KCNH5: variants seen among roughly 807,000 people sequenced by gnomAD.
The protein encoded by KCNH5 is voltage-gated delayed rectifier potassium channel KCNH5.
In KCNH5, 46 loss-of-function variants were observed where a neutral mutation model predicts 96.1. The ratio of observed to expected loss-of-function variants is 0.48; its 90% CI spans 0.38 to 0.61. The LOEUF is 0.61. Ranked by LOEUF, KCNH5 falls within the 20% of genes least tolerant of loss-of-function variation. The pLI, the probability that KCNH5 is intolerant of heterozygous loss-of-function variation, is 0.00. For missense variants in KCNH5, 907 were observed against 1,225.8 expected (o/e 0.74, Z 3.88); for synonymous variants, 439 against 449.8 (o/e 0.98, Z 0.30).
intron 10 of KCNH5, among the ~76,000 whole-genome samples, chr14:62,742,408 G>C (rs1885289308): frequency 6.6e-6 from 1 of 152,118 alleles, no homozygotes; most frequent in African/African-American, 2.4e-5. Context: ...ATACCCCCAG[G>C]TGATTCTTGT....
chr14:62,909,029 C>T (rs1438476803), intron 7 of KCNH5, among the ~76,000 whole-genome samples: 2 of 115,514 alleles, frequency 1.7e-5, no homozygotes, highest in Non-Finnish European at 3.3e-5. Flanking sequence ...CACTATGCTA[C>T]GTATTTTTTT....
intron 7 of KCNH5, among the ~76,000 whole-genome samples, chr14:62,919,990 C>A (rs1462913432): frequency 6.6e-6 from 1 of 152,060 alleles, no homozygotes; most frequent in Non-Finnish European, 1.5e-5. Context: ...TTTGACAAAT[C>A]AATAAACTTC....
At position 62,947,241 on chromosome 14, in the gene KCNH5, A is replaced by T. The variant is rs138007102; in HGVS notation, c.1369+2892T>A. ...CTCAAGTATAAGGCAAAATGTATAA[A>T]TATTAAAAGTAGTATGGTGCTAAAT... On this transcript the variant is annotated intron_variant, in intron 7 of 10. Coordinates refer to ENST00000322893, the MANE Select transcript of KCNH5 (RefSeq NM_139318.5). 1.1e-3 allele frequency among the ~76,000 whole-genome samples: 173 copies of T among 152,330 alleles called. 5 individuals carry two copies. The highest frequency in any genetic ancestry group is 8.5e-3 in the Admixed American group (130 of 15,286).
intron 7 of KCNH5, among the ~76,000 whole-genome samples, chr14:62,859,311 T>A (rs563861306): frequency 2.0e-5 from 3 of 152,268 alleles, no homozygotes; most frequent in Admixed American, 1.3e-4. Flanking sequence ...CCTTGGTGAG[T>A]GGAAGTCCAT....
chr14:62,778,777 A>G (rs1886149697), intron 10 of KCNH5, among the ~76,000 whole-genome samples: 1 of 152,268 alleles, frequency 6.6e-6, no homozygotes. Context: ...TCAAGTATAG[A>G]TCAAATAAAT....
intron 10 of KCNH5, among the ~76,000 whole-genome samples, chr14:62,768,155 A>G (rs1034535699): frequency 1.3e-5 from 2 of 152,142 alleles, no homozygotes; most frequent in African/African-American, 4.8e-5. Flanking sequence ...AGACTTTACC[A>G]CTAAGCCATA....
intron 10 of KCNH5, among the ~76,000 whole-genome samples, chr14:62,773,022 A>C (rs1373380802): frequency 6.6e-6 from 1 of 152,226 alleles, no homozygotes; most frequent in Non-Finnish European, 1.5e-5. Context: ...TCTATGAATC[A>C]CATGCAAATT....
intron 9 of KCNH5, among the ~76,000 whole-genome samples, chr14:62,800,407 C>T (rs556810038): frequency 6.6e-6 from 1 of 152,132 alleles, no homozygotes; most frequent in Admixed American, 6.6e-5. Context: ...TTTTGTCTGT[C>T]TCACTGAGCA....
chr14:62,769,671 G>C (rs1251092431), intron 10 of KCNH5, among the ~76,000 whole-genome samples: 2 of 152,168 alleles, frequency 1.3e-5, no homozygotes, highest in Non-Finnish European at 1.5e-5. Context: ...CTATTACATA[G>C]GGCTTATTGC....
rs1027965732 is a variant in KCNH5 at position 62,706,712 on chromosome 14, G to C, written c.*796C>G. On this transcript the variant is annotated 3_prime_UTR_variant, in exon 11 of 11. Coordinates refer to ENST00000322893, the MANE Select transcript of KCNH5 (RefSeq NM_139318.5). The stretch of plus-strand genomic sequence containing the variant: ...TGTCAAAAGGCCCTTATACCCTGTG[G>C]TGCAGTGTTTCTATAATAACATACT... 6.6e-6 allele frequency: 1 copy of C among 151,996 alleles called. No homozygotes were observed. The highest frequency in any genetic ancestry group is 6.6e-5 in the Admixed American group (1 of 15,254). 9.4% of individuals were successfully genotyped at this position (151,996 alleles called of 1,614,324 possible).
chr14:63,039,318 T>C (rs1891780074), intron 1 of KCNH5, among the ~76,000 whole-genome samples: 1 of 152,084 alleles, frequency 6.6e-6, no homozygotes, highest in South Asian at 2.1e-4. Flanking sequence ...GAAAATATTA[T>C]TTAATAATTT....
intron 4 of KCNH5, among the ~76,000 whole-genome samples, chr14:62,998,629 T>C (rs1010231642): frequency 6.6e-6 from 1 of 152,190 alleles, no homozygotes; most frequent in East Asian, 1.9e-4. Flanking sequence ...TTTTGCTGCA[T>C]CTCACAAATT....
At chr14:62,814,782 C>CAAAAAGA (rs772584111) in intron 8 of KCNH5, among the ~76,000 whole-genome samples, 99 of 33,758 alleles carry the variant, frequency 2.9e-3, no homozygotes, top group African/African-American at 0.015. Context: ...GACTCCATCT[C>CAAAAAGA]AAAAAAAAAA....
At chr14:62,897,240 A>G (rs1888832217) in intron 7 of KCNH5, among the ~76,000 whole-genome samples, 1 of 152,198 alleles carries the variant, frequency 6.6e-6, no homozygotes, top group South Asian at 2.1e-4. Flanking sequence ...TCTGAGAAAC[A>G]AATAGCAATA....
rs552936409 is a variant in KCNH5 at position 63,015,798 on chromosome 14, A to G, written c.197+1033T>C. ...TATCCCCTTGAATATCATATTTTTG[A>G]TCTGTATTTCTCTAATACTATATTT... On this transcript the variant is annotated intron_variant, in intron 2 of 10. Coordinates refer to ENST00000322893, the MANE Select transcript of KCNH5 (RefSeq NM_139318.5). Among the ~76,000 whole-genome samples the G allele has an allele frequency of 1.5e-4, 23 of 151,958 alleles. No homozygotes were observed. In the East Asian group the frequency reaches 3.9e-3, roughly 26 times the overall value.
intron 6 of KCNH5, among the ~76,000 whole-genome samples, chr14:62,955,407 T>A (rs1276688741): frequency 6.6e-6 from 1 of 152,332 alleles, no homozygotes; most frequent in East Asian, 1.9e-4. Context: ...CCAGGTACTA[T>A]TCTAAGTGTT....
intron 1 of KCNH5, among the ~76,000 whole-genome samples, chr14:63,039,059 T>C (rs566479006): frequency 9.2e-5 from 14 of 152,246 alleles, no homozygotes; most frequent in Non-Finnish European, 2.1e-4. Flanking sequence ...TATCCATGTT[T>C]ATCTGATTCA....
chr14:62,837,263 C>T (rs1258573183), intron 8 of KCNH5, among the ~76,000 whole-genome samples: 2 of 152,124 alleles, frequency 1.3e-5, no homozygotes, highest in Non-Finnish European at 2.9e-5. Context: ...GTGAGTCCTG[C>T]GTGGCAGGAA....
At chr14:62,891,714 A>C (rs968184134) in intron 7 of KCNH5, among the ~76,000 whole-genome samples, 1 of 152,098 alleles carries the variant, frequency 6.6e-6, no homozygotes, top group Non-Finnish European at 1.5e-5. Context: ...CATTTTTCGA[A>C]CAGTATGTGC....
Sources: allele counts gnomAD v4.1 joint callset (sites outside exome capture counted in the v4.1 genomes callset), GRCh38; gene constraint gnomAD v4.1.1; transcripts MANE v1.5; gene names NCBI Gene and HGNC (gene_info 2026-07-23, HGNC 2026-07-21).